The following MICAL2 variants were observed in gnomAD, a reference collection of about 807,000 sequenced individuals.
The protein encoded by MICAL2 is microtubule associated monooxygenase, calponin and LIM domain containing 2, also known as [F-actin]-monooxygenase MICAL2.
In MICAL2, 77 loss-of-function variants were observed where a neutral mutation model predicts 127.3. The observed-to-expected ratio is 0.60, with a 90% CI of 0.50 to 0.73. The LOEUF is 0.73. Among genes scored for constraint, MICAL2 ranks in the 30% least tolerant of loss-of-function variants. The probability of loss-of-function intolerance (pLI) is 0.00; values close to 1 mark genes in which losing one functional copy is unlikely to be tolerated. For missense variants in MICAL2, 1,351 were observed against 1,434.4 expected, an observed-to-expected ratio of 0.94 and a Z score of 0.94; for synonymous variants, 570 against 551.1, an observed-to-expected ratio of 1.03 and a Z score of -0.48.
chr11:12,361,980 C>T (rs751135644), downstream of MICAL2, among the ~76,000 whole-genome samples: 1 of 152,184 alleles, frequency 6.6e-6, no homozygotes, highest in Non-Finnish European at 1.5e-5. Flanking sequence ...ACGATTTCAT[C>T]TACTGTTTAT....
intron 1 of MICAL2, among the ~76,000 whole-genome samples, chr11:12,112,011 C>A (rs936991806): frequency 9.2e-5 from 14 of 152,236 alleles, no homozygotes; most frequent in African/African-American, 3.4e-4. Flanking sequence ...TCTTGTGGCA[C>A]TTTTGCAGCC....
intron 3 of MICAL2, among the ~76,000 whole-genome samples, chr11:12,180,768 C>CA (rs145894699): frequency 1.6e-5 from 1 of 62,338 alleles, no homozygotes; most frequent in African/African-American, 5.6e-5. Context: ...CAGTCCTAGA[C>CA]TTTAGTTGCT....
chr11:12,261,448 C>T, intron 26 of MICAL2: 8 of 985,450 alleles, frequency 8.1e-6, no homozygotes, highest in Non-Finnish European at 9.6e-6. Context: ...TAGAAGAGTC[C>T]TCAGCTCTCC....
intron 3 of MICAL2, among the ~76,000 whole-genome samples, chr11:12,198,434 C>G (rs1433248522): frequency 6.6e-6 from 1 of 152,222 alleles, no homozygotes; most frequent in Non-Finnish European, 1.5e-5. Flanking sequence ...AAGCCCTCCC[C>G]CAACACACAC....
intron 32 of MICAL2, chr11:12,327,347 T>A: frequency 8.6e-7 from 1 of 1,161,708 alleles, no homozygotes; most frequent in Admixed American, 2.4e-5. Flanking sequence ...AAACAGACCT[T>A]GTCACCTGCT....
At chr11:12,128,866 G>A (rs543355138) in intron 1 of MICAL2, among the ~76,000 whole-genome samples, 1 of 152,180 alleles carries the variant, frequency 6.6e-6, no homozygotes, top group Non-Finnish European at 1.5e-5. Context: ...TGCTTCATAG[G>A]GTTGTTATGA....
chr11:12,295,441 C>CTTTTTTTT (rs373402403), downstream of MICAL2, among the ~76,000 whole-genome samples: 2 of 126,378 alleles, frequency 1.6e-5, no homozygotes, highest in East Asian at 2.3e-4. Context: ...TGCTCAGCCT[C>CTTTTTTTT]TTTTTTTTTT....
chr11:12,127,601 C>T lies in MICAL2; in HGVS notation c.-148-10789C>T, dbSNP rs1014149148. Reference sequence around the variant, plus strand: ...GGTTAGAGAAGGTTTCACTGACTCACCCTGTCACTGGGACTTTGGGAGCAC... The same window carrying T: ...GGTTAGAGAAGGTTTCACTGACTCATCCTGTCACTGGGACTTTGGGAGCAC... On this transcript the variant is annotated intron_variant, in intron 1 of 27. Coordinates refer to ENST00000683283, the MANE Select transcript of MICAL2 (RefSeq NM_001282663.2). Among the ~76,000 whole-genome samples the T allele has an allele frequency of 2.0e-5, 3 of 152,096 alleles. 1 individual carries two copies. Among genetic ancestry groups the T allele is most frequent in the East Asian group, 3.9e-4 (2 of 5,178 alleles).
intron 2 of MICAL2, among the ~76,000 whole-genome samples, chr11:12,139,153 C>T (rs1242642551): frequency 6.6e-6 from 1 of 152,124 alleles, no homozygotes; most frequent in Non-Finnish European, 1.5e-5. Context: ...TCACTGGTGT[C>T]CAATGGAGAA....
chr11:12,224,471 C>A, intron 12 of MICAL2: 1 of 594,184 alleles, frequency 1.7e-6, no homozygotes, highest in Non-Finnish European at 2.9e-6. Flanking sequence ...TGCTTCCTCT[C>A]CCCTCCTGCC....
chr11:12,280,949 G>A (rs548944370), exon 2 of MICAL2: 39 of 399,118 alleles, frequency 9.8e-5, no homozygotes, highest in African/African-American at 6.8e-4. Context: ...CACAGAGTCT[G>A]ACTATGGTGG....
chr11:12,255,519 C>G, intron 22 of MICAL2, 124 bp from the exon 23 acceptor site: 3 of 778,074 alleles, frequency 3.9e-6, no homozygotes, highest in Non-Finnish European at 4.4e-6. Context: ...TCTCCTGGGT[C>G]GTGGGGTGCT....
Position 12,256,892 on chromosome 11 carries a change from C to T in MICAL2, c.3063C>T (p.Phe1021=). ...AACGGCTGAGCGCCGAGGGCCACTT[C>T]TTCCACCGGGAGTGTTTCCGCTGCA... ...VMERLSAEGH[F]FHRECFRCSI... is the part of the protein sequence containing the mutation. The change falls in exon 24 of 28, where the codon TTC becomes TTT. Residue 1021 remains phenylalanine, a synonymous_variant. Coordinates refer to ENST00000683283, the MANE Select transcript of MICAL2 (RefSeq NM_001282663.2). 6.2e-7 allele frequency: 1 copy of T among 1,614,216 alleles called. No homozygotes were observed. Among genetic ancestry groups the T allele is most frequent in the Non-Finnish European group, 8.5e-7 (1 of 1,180,032 alleles).
chr11:12,182,330 C>T (rs1433906679), intron 3 of MICAL2, among the ~76,000 whole-genome samples: 1 of 151,972 alleles, frequency 6.6e-6, no homozygotes, highest in African/African-American at 2.4e-5. Context: ...TGTAGTGGGT[C>T]AGGGGTGGGG....
At chr11:12,262,875 A>G (rs1309901724) in intron 27 of MICAL2, 3 of 241,704 alleles carry the variant, frequency 1.2e-5, no homozygotes, top group East Asian at 8.6e-5. Flanking sequence ...ATCATGAAAC[A>G]ATACCATGAG....
At chr11:12,198,521 G>A (rs1391925601) in intron 3 of MICAL2, among the ~76,000 whole-genome samples, 4 of 152,092 alleles carry the variant, frequency 2.6e-5, no homozygotes, top group African/African-American at 4.8e-5. Flanking sequence ...TCTTATTCAC[G>A]GTAAACCAGT....
At position 12,216,280 on chromosome 11, in the gene MICAL2, C is replaced by T; in HGVS notation, c.909C>T (p.Ala303=). The T allele has an allele frequency of 6.2e-7, 1 of 1,614,000 alleles. No individual in the cohort carries two copies. The highest frequency in any genetic ancestry group is 8.5e-7 in the Non-Finnish European group (1 of 1,179,952). ...GCACCCACTATTTTGTAATGACAGC[C>T]AAGAAGCAGAGCCTGCTCGACAAAG... ...KDCTHYFVMT[A]KKQSLLDKGV... is the part of the protein sequence containing the mutation. Residue 303 remains alanine (A), a synonymous_variant, in exon 8 of 28, where the codon GCC becomes GCT. Coordinates refer to ENST00000683283, the MANE Select transcript of MICAL2 (RefSeq NM_001282663.2).
chr11:12,266,732 C>T (rs1863613448), downstream of MICAL2, among the ~76,000 whole-genome samples: 2 of 152,226 alleles, frequency 1.3e-5, no homozygotes, highest in Admixed American at 1.3e-4. Context: ...TAAGAGGAAC[C>T]TCGGTGCATG....
intron 17 of MICAL2, among the ~76,000 whole-genome samples, chr11:12,240,598 C>G (rs906856178): frequency 2.0e-5 from 3 of 152,196 alleles, no homozygotes; most frequent in African/African-American, 7.2e-5. Context: ...GGCTTGGCCC[C>G]TCACAGTCCC....
Sources: allele counts gnomAD v4.1 joint callset (sites outside exome capture counted in the v4.1 genomes callset), GRCh38; gene constraint gnomAD v4.1.1; transcripts MANE v1.5; gene names NCBI Gene and HGNC (gene_info 2026-07-23, HGNC 2026-07-21).